DENND1B: variants seen among roughly 807,000 people sequenced by gnomAD.
The protein encoded by DENND1B is DENN domain-containing protein 1B.
A neutral mutation model predicts 90.1 loss-of-function variants in DENND1B; 59 were observed. That is an observed-to-expected ratio of 0.65 (90% CI 0.53 to 0.81). The LOEUF (loss-of-function observed/expected upper bound fraction) is 0.81. Ranked by LOEUF, DENND1B falls within the 40% of genes least tolerant of loss-of-function variation. DENND1B has a pLI of 0.00. For missense variants in DENND1B, 862 were observed against 912.6 expected, an observed-to-expected ratio of 0.94 and a Z score of 0.71; for synonymous variants, 337 against 324.6, an observed-to-expected ratio of 1.04 and a Z score of -0.41.
At chr1:197,540,845 A>T in intron 19 of DENND1B, 114 bp downstream of exon 19, 1 of 943,704 alleles carries the variant, frequency 1.1e-6, no homozygotes, top group East Asian at 2.6e-5. Flanking sequence ...TTCTTGAACA[A>T]AGGGCTAAGC....
intron 15 of DENND1B, among the ~76,000 whole-genome samples, chr1:197,581,765 A>C (rs1226439190): frequency 2.6e-5 from 4 of 152,212 alleles, no homozygotes; most frequent in Non-Finnish European, 4.4e-5. Context: ...AAGGGAAATA[A>C]GTTAGATATT....
intron 20 of DENND1B, among the ~76,000 whole-genome samples, chr1:197,534,365 C>T (rs1010809271): frequency 2.6e-4 from 40 of 152,254 alleles, no homozygotes; most frequent in South Asian, 6.2e-4. Flanking sequence ...ACAGAAAAGA[C>T]TAAATGAAGA....
intron 9 of DENND1B, among the ~76,000 whole-genome samples, chr1:197,644,603 A>G (rs1406662936): frequency 1.3e-5 from 2 of 150,494 alleles, no homozygotes; most frequent in East Asian, 3.9e-4. Context: ...TACAGCAGTC[A>G]ATACTTTAGG....
At chr1:197,552,607 G>C (rs1466189835) in intron 16 of DENND1B, 2 of 990,586 alleles carry the variant, frequency 2.0e-6, no homozygotes, top group African/African-American at 3.5e-5. Context: ...AAGAATTTTG[G>C]TGTTCAGACC....
At chr1:197,693,174 T>C (rs1223332552) in intron 3 of DENND1B, among the ~76,000 whole-genome samples, 1 of 151,730 alleles carries the variant, frequency 6.6e-6, no homozygotes, top group East Asian at 1.9e-4. Flanking sequence ...TAGATTGCAT[T>C]GTTGTCTGGT....
chr1:197,517,270 C>G (rs530990256), intron 20 of DENND1B, among the ~76,000 whole-genome samples: 1 of 151,824 alleles, frequency 6.6e-6, no homozygotes, highest in Non-Finnish European at 1.5e-5. Context: ...TAGCAGCTTA[C>G]AGAAGTTTCT....
intron 2 of DENND1B, among the ~76,000 whole-genome samples, chr1:197,724,345 T>C (rs544084568): frequency 6.6e-6 from 1 of 152,264 alleles, no homozygotes; most frequent in Non-Finnish European, 1.5e-5. Flanking sequence ...TCAGGATATT[T>C]TCAAGTTACA....
chr1:197,651,457 T>C (rs554808423), intron 7 of DENND1B, among the ~76,000 whole-genome samples: 33 of 152,122 alleles, frequency 2.2e-4, no homozygotes, highest in African/African-American at 7.7e-4. Context: ...ATTTTGTGAT[T>C]ATACTAGAAG....
intron 15 of DENND1B, among the ~76,000 whole-genome samples, chr1:197,562,236 C>G (rs540515352): frequency 6.6e-6 from 1 of 151,982 alleles, no homozygotes; most frequent in Admixed American, 6.6e-5. Context: ...GTACCCCACA[C>G]AAAACACTTC....
intron 16 of DENND1B, chr1:197,552,241 A>C: frequency 4.1e-6 from 4 of 984,328 alleles, no homozygotes; most frequent in Non-Finnish European, 4.8e-6. Flanking sequence ...GCCAAAAATT[A>C]ACACACTAAG....
At chr1:197,610,871 TG>T (rs142290742) in intron 12 of DENND1B, among the ~76,000 whole-genome samples, 1,957 of 150,950 alleles carry the variant, frequency 0.013, 25 homozygotes, top group Non-Finnish European at 0.02. Context: ...TATTTAAATA[TG>T]TTTTTTTTGT....
chr1:197,775,039 G>A (rs1657118500), intron 1 of DENND1B, 100 bp downstream of exon 1: 6 of 859,708 alleles, frequency 7.0e-6, no homozygotes, highest in African/African-American at 5.4e-5. Flanking sequence ...TCGGCCGCCC[G>A]GGGAGCCGGT....
upstream of DENND1B, among the ~76,000 whole-genome samples, chr1:197,779,198 A>G (rs1657371977): frequency 6.6e-6 from 1 of 152,206 alleles, no homozygotes; most frequent in African/African-American, 2.4e-5. Context: ...TTCACTGATG[A>G]AGAATTCAAA....
At chr1:197,646,195 C>A (rs11809987) in intron 8 of DENND1B, among the ~76,000 whole-genome samples, 1 of 151,822 alleles carries the variant, frequency 6.6e-6, no homozygotes, top group Non-Finnish European at 1.5e-5. Flanking sequence ...TCAAAATCTA[C>A]TAAGATTCCT....
rs377754672 is a variant in DENND1B, at chr1:197,735,713, G to T, written c.83-20639C>A. 144 of 1,613,788 alleles carry T rather than the reference G, an allele frequency of 8.9e-5. No individual in the cohort carries two copies. The African/African-American group carries it at 1.8e-3, about 20-fold the overall frequency. ...GGAGGCGCTACGCCAGGACCGACAG[G>T]AAAGTTTTCCAGTTTCTTAATGCAA... is the stretch of plus-strand genomic sequence containing the variant. On this transcript the variant is annotated intron_variant, in intron 2 of 22. Coordinates refer to ENST00000620048, the MANE Select transcript of DENND1B (RefSeq NM_001195215.2).
chr1:197,670,564 T>C (rs1655404244), intron 5 of DENND1B, among the ~76,000 whole-genome samples: 1 of 151,276 alleles, frequency 6.6e-6, no homozygotes, highest in African/African-American at 2.4e-5. Flanking sequence ...ATCTAGGTAA[T>C]GTTTATATAA....
rs139469755 is a variant in DENND1B at position 197,595,844 on chromosome 1, G to T, written c.922-511C>A. Reference sequence around the variant, plus strand: ...ATGAGATAAAGAAGAGGGGAGAAGAGATAAAGTTATTGAAATTATACCATG... The same window carrying T: ...ATGAGATAAAGAAGAGGGGAGAAGATATAAAGTTATTGAAATTATACCATG... On this transcript the variant is annotated intron_variant, in intron 13 of 22. Transcript: ENST00000620048. Among the ~76,000 whole-genome samples the T allele has an allele frequency of 1.1e-4, 17 of 152,198 alleles. No homozygotes were observed. The East Asian group carries it at 3.3e-3, about 30-fold the overall frequency.
At chr1:197,582,031 A>T (rs1456294953) in intron 15 of DENND1B, among the ~76,000 whole-genome samples, 1 of 152,118 alleles carries the variant, frequency 6.6e-6, no homozygotes. Context: ...TAGGGACAAA[A>T]AGCTCCAAAA....
intron 12 of DENND1B, among the ~76,000 whole-genome samples, chr1:197,611,615 T>C (rs1176488463): frequency 1.3e-5 from 2 of 150,668 alleles, no homozygotes; most frequent in Non-Finnish European, 3.0e-5. Context: ...GAAAAAGAGA[T>C]ATAAATGATC....
Sources: allele counts gnomAD v4.1 joint callset (sites outside exome capture counted in the v4.1 genomes callset), GRCh38; gene constraint gnomAD v4.1.1; transcripts MANE v1.5; gene names NCBI Gene and HGNC (gene_info 2026-07-23, HGNC 2026-07-21).